SPSB1: variants seen among roughly 807,000 people sequenced by gnomAD.
SPSB1 encodes the protein splA/ryanodine receptor domain and SOCS box containing 1, also known as SPRY domain-containing SOCS box protein 1.
SPSB1 carries 8 observed loss-of-function variants against 21.2 expected under a neutral mutation model. The ratio of observed to expected loss-of-function variants is 0.38; its 90% CI spans 0.22 to 0.68. The LOEUF is 0.68. Ranked by LOEUF, SPSB1 falls within the 30% of genes least tolerant of loss-of-function variation. SPSB1 has a pLI of 0.53. For missense variants in SPSB1, 242 were observed against 377.8 expected (o/e 0.64, Z 2.98); for synonymous variants, 169 against 161.7 (o/e 1.05, Z -0.34).
intron 2 of SPSB1, among the ~76,000 whole-genome samples, chr1:9,366,441 G>T (rs574679397): frequency 6.6e-6 from 1 of 152,378 alleles, no homozygotes; most frequent in African/African-American, 2.4e-5. Flanking sequence ...ATTCAGGACA[G>T]GGTTTGCCAT....
intron 1 of SPSB1, among the ~76,000 whole-genome samples, chr1:9,342,133 C>G (rs900237641): frequency 6.6e-6 from 1 of 152,172 alleles, no homozygotes; most frequent in Non-Finnish European, 1.5e-5. Flanking sequence ...GGTGAGCAAG[C>G]GACTCAGAGC....
At chr1:9,325,874 C>G (rs1233652153) in intron 1 of SPSB1, among the ~76,000 whole-genome samples, 4 of 152,128 alleles carry the variant, frequency 2.6e-5, no homozygotes, top group African/African-American at 9.7e-5. Flanking sequence ...CCGGTGTGCC[C>G]AGAGCCAGGC....
At position 9,356,228 on chromosome 1, in the gene SPSB1, G is replaced by A. The variant is rs971482356; in HGVS notation, c.337G>A (p.Ala113Thr). ...TWAMRQRGTH[A>T]VVGVATADAP... ...GGCCATGAGACAGCGGGGCACACACGCCGTGGTGGGGGTGGCGACGGCAGA... is the reference window on the plus strand; with the variant it reads ...GGCCATGAGACAGCGGGGCACACACACCGTGGTGGGGGTGGCGACGGCAGA... The change falls in exon 2 of 3, where the codon GCC becomes ACC. Residue 113 changes from alanine to threonine, a missense_variant. Physicochemically the swap from Ala to Thr is moderately conservative, Grantham distance 58. Transcript: ENST00000328089. The surrounding 1 kb of genome is among the most constrained non-coding windows in gnomAD (Gnocchi z 7.4). 2 of 1,602,626 alleles carry A rather than the reference G, an allele frequency of 1.2e-6. No homozygotes were observed. The highest frequency in any genetic ancestry group is 1.7e-6 in the Non-Finnish European group (2 of 1,173,544).
At chr1:9,306,735 A>T (rs1639418343) in intron 1 of SPSB1, among the ~76,000 whole-genome samples, 1 of 152,084 alleles carries the variant, frequency 6.6e-6, no homozygotes, top group Non-Finnish European at 1.5e-5. Flanking sequence ...AGCAGAGTGA[A>T]TGTCACTGTG....
chr1:9,304,083 G>A (rs1639374469), intron 1 of SPSB1, among the ~76,000 whole-genome samples: 1 of 152,196 alleles, frequency 6.6e-6, no homozygotes, highest in Non-Finnish European at 1.5e-5. Flanking sequence ...GGCCTGGATG[G>A]AACAAAAAGC....
intron 1 of SPSB1, among the ~76,000 whole-genome samples, chr1:9,316,113 C>T (rs549938549): frequency 2.0e-5 from 3 of 152,168 alleles, no homozygotes; most frequent in Admixed American, 6.5e-5. Context: ...GAGGGCACCA[C>T]GGTGGTCCTG....
intron 1 of SPSB1, among the ~76,000 whole-genome samples, chr1:9,318,578 C>T (rs559629793): frequency 6.6e-6 from 1 of 152,234 alleles, no homozygotes; most frequent in African/African-American, 2.4e-5. Flanking sequence ...CCTCTTTGAG[C>T]CTTGGTTTCC....
At chr1:9,329,153 G>A (rs375555731) in intron 1 of SPSB1, among the ~76,000 whole-genome samples, 9 of 152,296 alleles carry the variant, frequency 5.9e-5, no homozygotes, top group African/African-American at 2.2e-4. Context: ...GACACCTAAG[G>A]GCAGTTGTAT....
intron 1 of SPSB1, among the ~76,000 whole-genome samples, chr1:9,316,494 G>C (rs1299792298): frequency 6.6e-6 from 1 of 152,242 alleles, no homozygotes; most frequent in Non-Finnish European, 1.5e-5. Context: ...GGCACGTAGG[G>C]CAGGGTCCTA....
At chr1:9,295,252 G>A (rs1032264668) in intron 1 of SPSB1, among the ~76,000 whole-genome samples, 3 of 152,020 alleles carry the variant, frequency 2.0e-5, no homozygotes, top group Non-Finnish European at 2.9e-5. Flanking sequence ...GCGCGCGTGC[G>A]GTTGGGGAGG....
chr1:9,301,175 A>G (rs1639321805), intron 1 of SPSB1, among the ~76,000 whole-genome samples: 2 of 152,248 alleles, frequency 1.3e-5, no homozygotes, highest in African/African-American at 2.4e-5. Flanking sequence ...TGGAAAGAGT[A>G]TGATTGGAAG....
At chr1:9,307,866 GT>G (rs1358140232) in intron 1 of SPSB1, among the ~76,000 whole-genome samples, 2 of 152,260 alleles carry the variant, frequency 1.3e-5, no homozygotes, top group South Asian at 4.2e-4. Context: ...GGTCTTCGGG[GT>G]GCGCGTGGCC....
chr1:9,294,335 AGT>A (rs1639175148), intron 1 of SPSB1, among the ~76,000 whole-genome samples: 1 of 141,552 alleles, frequency 7.1e-6, no homozygotes. Context: ...TGTGTCTCCA[AGT>A]GTGTGTCTGT....
intron 1 of SPSB1, among the ~76,000 whole-genome samples, chr1:9,333,627 G>T (rs564711051): frequency 1.3e-5 from 2 of 152,076 alleles, no homozygotes; most frequent in Admixed American, 1.3e-4. Flanking sequence ...CACCATGCCC[G>T]CCCTCCTTGT....
At chr1:9,296,678 T>C (rs1639231812) in intron 1 of SPSB1, among the ~76,000 whole-genome samples, 2 of 152,124 alleles carry the variant, frequency 1.3e-5, no homozygotes, top group African/African-American at 2.4e-5. Context: ...TGTCAGGTCA[T>C]CTGTAGCTTC....
rs1214222416 is a variant in SPSB1 at position 9,356,217 on chromosome 1, G to A, written c.326G>A (p.Arg109Gln). The change falls in exon 2 of 3, where the codon CGG (arginine) becomes CAG (glutamine). Residue 109 changes from arginine to glutamine, a missense_variant. By Grantham distance (43) the Arg-to-Gln change is conservative (BLOSUM62 1). Transcript: ENST00000328089. The surrounding 1 kb of genome is among the most constrained non-coding windows in gnomAD (Gnocchi z 7.4). The stretch of plus-strand genomic sequence containing the variant: ...CAGATCACGTGGGCCATGAGACAGC[G>A]GGGCACACACGCCGTGGTGGGGGTG... ...VWQITWAMRQ[R>Q]GTHAVVGVAT... 3 of 1,598,926 alleles carry A rather than the reference G, an allele frequency of 1.9e-6. No individual in the cohort carries two copies. Among genetic ancestry groups the A allele is most frequent in the Non-Finnish European group, 2.6e-6 (3 of 1,171,456 alleles).
chr1:9,320,484 G>A (rs941721616), intron 1 of SPSB1, among the ~76,000 whole-genome samples: 7 of 152,198 alleles, frequency 4.6e-5, no homozygotes, highest in African/African-American at 1.4e-4. Context: ...GGGAGAAGCC[G>A]TTTCCCTTGG....
chr1:9,362,758 T>A (rs1640501688), intron 2 of SPSB1, among the ~76,000 whole-genome samples: 2 of 152,246 alleles, frequency 1.3e-5, no homozygotes, highest in Admixed American at 6.5e-5. Context: ...GGTAGCCGTT[T>A]CTCACAGAAA....
chr1:9,343,695 C>T (rs750591947), intron 1 of SPSB1, among the ~76,000 whole-genome samples: 15 of 152,218 alleles, frequency 9.9e-5, no homozygotes, highest in African/African-American at 3.6e-4. Flanking sequence ...TTTAGTCTCA[C>T]GGCAGATGCA....
Sources: allele counts gnomAD v4.1 joint callset (sites outside exome capture counted in the v4.1 genomes callset), GRCh38; gene constraint gnomAD v4.1.1; non-coding constraint Gnocchi (gnomAD v3.1); transcripts MANE v1.5; gene names NCBI Gene and HGNC (gene_info 2026-07-23, HGNC 2026-07-21).